NCAPD2: variants seen among roughly 807,000 people sequenced by gnomAD.
NCAPD2 encodes condensin complex subunit 1.
Under a neutral mutation model 164.5 loss-of-function variants are expected in NCAPD2, and 100 were observed. The observed-to-expected ratio is 0.61, with a 90% CI of 0.52 to 0.72. NCAPD2 has a LOEUF of 0.72. Among genes scored for constraint, NCAPD2 ranks in the 30% least tolerant of loss-of-function variants. The probability of loss-of-function intolerance (pLI) is 0.00; values close to 1 mark genes in which losing one functional copy is unlikely to be tolerated. For missense variants in NCAPD2, 1,560 were observed against 1,749.2 expected, an observed-to-expected ratio of 0.89 and a Z score of 1.93; for synonymous variants, 585 against 642.6, an observed-to-expected ratio of 0.91 and a Z score of 1.36.
At chr12:6,523,899 G>A (rs1251540525) in intron 17 of NCAPD2, among the ~76,000 whole-genome samples, 1 of 152,158 alleles carries the variant, frequency 6.6e-6, no homozygotes, top group African/African-American at 2.4e-5. Context: ...GGTTGTCATA[G>A]CAATAATAAC....
chr12:6,522,041 T>C lies in NCAPD2; in HGVS notation c.1954+4T>C. 1 of 1,613,388 alleles carries C rather than the reference T, an allele frequency of 6.2e-7. No homozygotes were observed. The highest frequency in any genetic ancestry group is 8.5e-7 in the Non-Finnish European group (1 of 1,179,380). The stretch of plus-strand genomic sequence containing the variant: ...ATGTATGAAAACACAACTACAGGTA[T>C]GCCAGAGTCCCTTTCTATAAGGACA... On this transcript the variant is annotated splice_donor_region_variant and intron_variant, in intron 15 of 31. Coordinates refer to ENST00000315579, the MANE Select transcript of NCAPD2 (RefSeq NM_014865.4).
At chr12:6,514,226 G>A (rs1946178661) in intron 6 of NCAPD2, 39 bp from the exon 7 acceptor site, 1 of 1,613,658 alleles carries the variant, frequency 6.2e-7, no homozygotes, top group Non-Finnish European at 8.5e-7. Flanking sequence ...ATTGGATTCA[G>A]ACAGCTGCTT....
intron 13 of NCAPD2, among the ~76,000 whole-genome samples, 194 bp from the exon 14 acceptor site, chr12:6,520,792 G>T (rs918244515): frequency 6.6e-6 from 1 of 152,192 alleles, no homozygotes; most frequent in Non-Finnish European, 1.5e-5. Flanking sequence ...CAGATGAGCA[G>T]TCAGGGGAAA....
chr12:6,514,045 GT>G (rs1946176792), intron 6 of NCAPD2, among the ~76,000 whole-genome samples: 1 of 152,116 alleles, frequency 6.6e-6, no homozygotes. Context: ...ATATATTTAG[GT>G]TCTTTGTCAG....
chr12:6,531,701 AG>A lies in NCAPD2; in HGVS notation c.*291del. 5.0e-6 allele frequency: 2 copies of A among 402,192 alleles called. No homozygotes were observed. The highest frequency in any genetic ancestry group is 4.4e-5 in the South Asian group (2 of 45,694). 24.9% of individuals were successfully genotyped at this position (402,192 alleles called of 1,614,324 possible). A position where few individuals can be genotyped will look rare whatever the true frequency, so the allele number is the denominator to read the frequency against. Reference sequence around the variant, plus strand: ...GCGCCTGTAATCCCAGCTACTCAAGAGGCTGAGGCAGGAGAATCGCCTGAAC... The same window carrying A: ...GCGCCTGTAATCCCAGCTACTCAAGAGCTGAGGCAGGAGAATCGCCTGAAC... On this transcript the variant is annotated 3_prime_UTR_variant, in exon 32 of 32. Transcript: ENST00000315579. This position sits in a 1 kb window ranked among gnomAD's most constrained non-coding sequence, Gnocchi z 4.1.
intron 4 of NCAPD2, 126 bp from the exon 5 acceptor site, chr12:6,510,503 G>C (rs1261301446): frequency 8.9e-7 from 1 of 1,128,722 alleles, no homozygotes; most frequent in Non-Finnish European, 1.3e-6. Flanking sequence ...CTTAGCTTGT[G>C]TTATGGCCAC....
At chr12:6,515,855 A>G (rs185596667) in intron 9 of NCAPD2, among the ~76,000 whole-genome samples, 14 of 152,270 alleles carry the variant, frequency 9.2e-5, no homozygotes, top group Non-Finnish European at 2.9e-5. Context: ...AAGCATCTGA[A>G]GGAGAGTGGG....
At chr12:6,525,435 C>A in intron 17 of NCAPD2, 148 bp from the exon 18 acceptor site, 1 of 843,732 alleles carries the variant, frequency 1.2e-6, no homozygotes. Context: ...CAAGACCCTG[C>A]TGTACATTTT....
At chr12:6,523,933 T>C (rs1226489699) in intron 17 of NCAPD2, among the ~76,000 whole-genome samples, 1 of 152,190 alleles carries the variant, frequency 6.6e-6, no homozygotes, top group Non-Finnish European at 1.5e-5. Context: ...TGGTATTGAA[T>C]ATATGACAGG....
chr12:6,521,167 G>T, intron 14 of NCAPD2, 57 bp downstream of exon 14: 1 of 1,588,686 alleles, frequency 6.3e-7, no homozygotes, highest in Non-Finnish European at 8.6e-7. Flanking sequence ...TATTTACTGA[G>T]CATTAACTTT....
At chr12:6,521,632 G>T (rs1946264390) in intron 14 of NCAPD2, among the ~76,000 whole-genome samples, 166 bp from the exon 15 acceptor site, 1 of 152,162 alleles carries the variant, frequency 6.6e-6, no homozygotes, top group Non-Finnish European at 1.5e-5. Context: ...AGGCTGCAGT[G>T]AGCGGTGATC....
chr12:6,531,253 C>A lies in NCAPD2; in HGVS notation c.4121-74C>A. On this transcript the variant is annotated intron_variant, in intron 31 of 31. Transcript: ENST00000315579. This position sits in a 1 kb window ranked among gnomAD's most constrained non-coding sequence, Gnocchi z 4.1. ...TTCTGTGCGGTGTGGGATTGTCTCA[C>A]TTGTTCTCTGATATCTATTTTTTCA... 6.6e-7 allele frequency: 1 copy of A among 1,525,318 alleles called. No homozygotes were observed. Among genetic ancestry groups the A allele is most frequent in the South Asian group, 1.1e-5 (1 of 87,246 alleles). 94.5% of individuals were successfully genotyped at this position (1,525,318 alleles called of 1,614,324 possible).
At chr12:6,523,369 T>G (rs1057455411) in intron 17 of NCAPD2, 23 bp downstream of exon 17, 1 of 1,562,544 alleles carries the variant, frequency 6.4e-7, no homozygotes. Flanking sequence ...GCTTTCTCTT[T>G]CTTTATTCAT....
At chr12:6,497,265 A>G (rs1240300643) in intron 2 of NCAPD2, among the ~76,000 whole-genome samples, 1 of 150,588 alleles carries the variant, frequency 6.6e-6, no homozygotes. Context: ...CTCTTCACTT[A>G]TTATAATGAT....
chr12:6,511,328 G>A (rs991554630), intron 6 of NCAPD2, 76 bp downstream of exon 6: 12 of 1,502,276 alleles, frequency 8.0e-6, no homozygotes, highest in Non-Finnish European at 9.9e-6. Context: ...CCGTTTTTTT[G>A]GTTTTGTTTT....
At chr12:6,494,440 T>C (rs544260596) in intron 1 of NCAPD2, among the ~76,000 whole-genome samples, 1 of 152,362 alleles carries the variant, frequency 6.6e-6, no homozygotes, top group South Asian at 2.1e-4. Flanking sequence ...CTCATTTGTA[T>C]TATTATGCAC....
intron 2 of NCAPD2, among the ~76,000 whole-genome samples, chr12:6,505,780 G>A (rs967161261): frequency 6.6e-6 from 1 of 152,154 alleles, no homozygotes; most frequent in East Asian, 1.9e-4. Flanking sequence ...TGGGAGGATC[G>A]CTGGAACCTG....
intron 17 of NCAPD2, among the ~76,000 whole-genome samples, chr12:6,524,238 A>G (rs1431383057): frequency 6.6e-6 from 1 of 152,184 alleles, no homozygotes; most frequent in Non-Finnish European, 1.5e-5. Flanking sequence ...GTCTTGAAAG[A>G]TGAGTAGGAT....
At chr12:6,513,970 C>T (rs1237415909) in intron 6 of NCAPD2, among the ~76,000 whole-genome samples, 1 of 152,038 alleles carries the variant, frequency 6.6e-6, no homozygotes, top group Non-Finnish European at 1.5e-5. Flanking sequence ...CTGCCTCGGC[C>T]TCCCAAAGTG....
Sources: allele counts gnomAD v4.1 joint callset (sites outside exome capture counted in the v4.1 genomes callset), GRCh38; gene constraint gnomAD v4.1.1; non-coding constraint Gnocchi (gnomAD v3.1); transcripts MANE v1.5; gene names NCBI Gene and HGNC (gene_info 2026-07-23, HGNC 2026-07-21).